DEPDC5: variants seen among roughly 807,000 people sequenced by gnomAD.
DEPDC5 encodes the protein GATOR1 complex protein DEPDC5.
Under a neutral mutation model 217.3 loss-of-function variants are expected in DEPDC5, and 73 were observed. The observed-to-expected ratio is 0.34, with a 90% CI of 0.28 to 0.41. The LOEUF is 0.41. Ranked by LOEUF, DEPDC5 falls within the 10% of genes least tolerant of loss-of-function variation. The pLI, the probability that DEPDC5 is intolerant of heterozygous loss-of-function variation, is 1.00. For synonymous variants in DEPDC5, 733 were observed against 756.7 expected, an observed-to-expected ratio of 0.97 and a Z score of 0.51; for missense variants, 1,675 against 2,070.1, an observed-to-expected ratio of 0.81 and a Z score of 3.70.
chr22:31,780,998 C>G (rs573849429), intron 8 of DEPDC5, among the ~76,000 whole-genome samples: 3 of 152,272 alleles, frequency 2.0e-5, no homozygotes, highest in Non-Finnish European at 4.4e-5. Flanking sequence ...AGGTGGTTCA[C>G]CTGATGTCGG....
At chr22:31,900,132 C>T (rs905354012) in intron 40 of DEPDC5, among the ~76,000 whole-genome samples, 3 of 152,056 alleles carry the variant, frequency 2.0e-5, no homozygotes, top group Non-Finnish European at 4.4e-5. Flanking sequence ...CTGCAACCTC[C>T]GCCTCCTGGG....
intron 12 of DEPDC5, among the ~76,000 whole-genome samples, chr22:31,794,365 A>G (rs1692142317): frequency 6.6e-6 from 1 of 152,200 alleles, no homozygotes. Flanking sequence ...TTTTATCTGT[A>G]TAATGAATAT....
chr22:31,843,005 T>G, intron 27 of DEPDC5, 90 bp from the exon 28 acceptor site: 1 of 948,150 alleles, frequency 1.1e-6, no homozygotes, highest in South Asian at 1.8e-5. Flanking sequence ...AAGTGTTACA[T>G]TGTTTTCTGA....
intron 2 of DEPDC5, among the ~76,000 whole-genome samples, chr22:31,756,989 C>G (rs1315639977): frequency 8.6e-5 from 13 of 150,682 alleles, no homozygotes; most frequent in Non-Finnish European, 3.0e-5. Flanking sequence ...ATACCTGTGC[C>G]AGACGTAATG....
Position 31,854,949 on chromosome 22 carries a change from G to A in DEPDC5, c.3156-2496G>A, listed in dbSNP as rs186301570. On this transcript the variant is annotated intron_variant, in intron 31 of 42. Transcript: ENST00000651528. ...TATGACAATGTAAGGACTTAATTGA[G>A]TCTTGCTGGTTTTTTTTTTTTTTTT... Among the ~76,000 whole-genome samples, 179 of 151,198 alleles carry A rather than the reference G, an allele frequency of 1.2e-3. No homozygotes were observed. In the East Asian group the frequency reaches 0.026, roughly 22 times the overall value.
In DEPDC5 at chr22:31,858,863, C is replaced by T. The variant is rs1190814025; in HGVS notation, c.3264+1310C>T. The T allele has an allele frequency of 2.0e-5, 3 of 152,254 alleles. No individual in the cohort carries two copies. The South Asian group carries it at 6.2e-4, about 32-fold the overall frequency. The allele number at this position is 152,254 out of a possible 1,614,324, so 9.4% of individuals were successfully genotyped here. On this transcript the variant is annotated intron_variant, in intron 32 of 42. Transcript: ENST00000651528. ...TTGGAATAATCATTTGACCACACCA[C>T]TGATAATTCCTTAGCATAAATACTG... is the stretch of plus-strand genomic sequence containing the variant.
intron 15 of DEPDC5, 89 bp from the exon 16 acceptor site, chr22:31,804,073 C>G (rs2087192606): frequency 7.9e-7 from 1 of 1,269,982 alleles, no homozygotes; most frequent in African/African-American, 1.5e-5. Flanking sequence ...GCTTTGCCTA[C>G]TACCCATTTA....
At chr22:31,769,056 C>T (rs2083082599) in intron 7 of DEPDC5, 193 bp downstream of exon 7, 1 of 526,100 alleles carries the variant, frequency 1.9e-6, no homozygotes, top group Non-Finnish European at 3.4e-6. Context: ...GTCAGGAGAT[C>T]AGGACCATAC....
At chr22:31,900,391 T>C (rs1471287996) in intron 40 of DEPDC5, among the ~76,000 whole-genome samples, 2 of 152,132 alleles carry the variant, frequency 1.3e-5, no homozygotes, top group Non-Finnish European at 2.9e-5. Context: ...TTCCTACCTC[T>C]AGAATGGAGC....
At chr22:31,854,842 A>G (rs1361732431) in intron 31 of DEPDC5, among the ~76,000 whole-genome samples, 2 of 152,202 alleles carry the variant, frequency 1.3e-5, no homozygotes, top group African/African-American at 2.4e-5. Context: ...CTAAAGAGCT[A>G]CTTTCTTTAA....
At chr22:31,862,119 G>A (rs1279253382) in intron 33 of DEPDC5, among the ~76,000 whole-genome samples, 1 of 152,148 alleles carries the variant, frequency 6.6e-6, no homozygotes, top group Non-Finnish European at 1.5e-5. Flanking sequence ...GTGCATGCCT[G>A]TAATCCCAGC....
intron 36 of DEPDC5, among the ~76,000 whole-genome samples, chr22:31,874,885 A>G (rs1345721160): frequency 6.6e-6 from 1 of 152,206 alleles, no homozygotes. Flanking sequence ...CCTTGAGAGC[A>G]GGATCACCTC....
At chr22:31,849,498 T>C (rs947361097) in intron 31 of DEPDC5, among the ~76,000 whole-genome samples, 3 of 151,954 alleles carry the variant, frequency 2.0e-5, no homozygotes, top group African/African-American at 7.3e-5. Context: ...TCATCAGATC[T>C]TGGTGGGCAT....
chr22:31,905,749 G>A (rs1189532223), intron 41 of DEPDC5, among the ~76,000 whole-genome samples: 2 of 152,100 alleles, frequency 1.3e-5, no homozygotes, highest in Non-Finnish European at 2.9e-5. Flanking sequence ...GGACCACGGA[G>A]ATGACGGGCT....
chr22:31,763,657 C>T (rs2082587986), intron 4 of DEPDC5, among the ~76,000 whole-genome samples: 1 of 151,326 alleles, frequency 6.6e-6, no homozygotes, highest in East Asian at 1.9e-4. Context: ...TGGTCTTGAA[C>T]TCCTGGGCCC....
At position 31,876,336 on chromosome 22, in the gene DEPDC5, A is replaced by G. The variant is rs376257623; in HGVS notation, c.3805+71A>G. The G allele has an allele frequency of 1.1e-4, 135 of 1,201,088 alleles. No individual in the cohort carries two copies. The East Asian group carries it at 2.2e-3, about 20-fold the overall frequency. The allele number at this position is 1,201,088 out of a possible 1,614,324, so 74.4% of individuals were successfully genotyped here. A position where few individuals can be genotyped will look rare whatever the true frequency, so the allele number is the denominator to read the frequency against. ...TCCTGGTGACTTGCTCTTTCACATG[A>G]TGGTGCTTCCTGAGCTGCATGTGTG... On this transcript the variant is annotated intron_variant, in intron 37 of 42. Coordinates refer to ENST00000651528, the MANE Select transcript of DEPDC5 (RefSeq NM_001242896.3).
chr22:31,781,505 T>C (rs1232621430), intron 8 of DEPDC5, among the ~76,000 whole-genome samples: 1 of 152,088 alleles, frequency 6.6e-6, no homozygotes, highest in Admixed American at 6.6e-5. Flanking sequence ...TGATCTCGGC[T>C]CACTACAACC....
intron 38 of DEPDC5, among the ~76,000 whole-genome samples, chr22:31,882,505 G>A (rs2093204106): frequency 6.6e-6 from 1 of 152,180 alleles, no homozygotes; most frequent in Non-Finnish European, 1.5e-5. Flanking sequence ...ACGAATCCAA[G>A]TGACACCTCC....
intron 24 of DEPDC5, among the ~76,000 whole-genome samples, chr22:31,828,874 A>G (rs974144030): frequency 7.9e-5 from 12 of 152,350 alleles, no homozygotes; most frequent in Middle Eastern, 3.4e-3. Context: ...AGCAATTCCC[A>G]TGTGGGGTAA....
Sources: gnomAD v4.1 joint callset for allele counts (sites outside exome capture counted in the v4.1 genomes callset) on GRCh38, gnomAD v4.1.1 for gene constraint, MANE v1.5 for transcripts, NCBI Gene and HGNC (gene_info 2026-07-23, HGNC 2026-07-21) for gene names.